RBM33: variants seen among roughly 807,000 people sequenced by gnomAD.
The protein encoded by RBM33 is RNA-binding protein 33.
A neutral mutation model predicts 132.6 loss-of-function variants in RBM33; 28 were observed. The observed-to-expected ratio is 0.21, with a 90% CI of 0.16 to 0.29. RBM33 has a LOEUF of 0.29. RBM33 is among the 10% of genes least tolerant of loss of function. RBM33 has a pLI of 1.00. For missense variants in RBM33, 1,291 were observed against 1,518.5 expected, an observed-to-expected ratio of 0.85 and a Z score of 2.49; for synonymous variants, 634 against 593.0, an observed-to-expected ratio of 1.07 and a Z score of -1.01.
chr7:155,763,838 C>T lies in RBM33; in HGVS notation c.3006C>T (p.His1002=). ...GAGGAGAGAGCGATGGCTTTTTTCA[C>T]CCAGAAGGCCAGCCCCAGCGGCTTC... ...GGGGESDGFF[H]PEGQPQRLPQ... Residue 1002 remains histidine (H), a synonymous_variant, in exon 15 of 18, where the codon CAC becomes CAT. Transcript: ENST00000401878. The T allele has an allele frequency of 6.2e-7, 1 of 1,611,736 alleles. No homozygotes were observed. Among genetic ancestry groups the T allele is most frequent in the Admixed American group, 1.7e-5 (1 of 59,698 alleles).
At position 155,685,232 on chromosome 7, in the gene RBM33, G is replaced by A. The variant is rs116505875; in HGVS notation, c.567+4324G>A. Among the ~76,000 whole-genome samples the A allele has an allele frequency of 8.6e-3, 1,315 of 152,284 alleles. 16 individuals carry two copies. The highest frequency in any genetic ancestry group is 0.031 in the African/African-American group (1,280 of 41,560). On this transcript the variant is annotated intron_variant, in intron 5 of 17. Coordinates refer to ENST00000401878, the MANE Select transcript of RBM33 (RefSeq NM_053043.3). ...TGAGTTCTGGTGTGCTGTGATTTCC[G>A]CATAGCGTGTGCCGTTTAAGTGTTA... is the stretch of plus-strand genomic sequence containing the variant.
At chr7:155,703,992 C>T (rs1344627576) in intron 6 of RBM33, among the ~76,000 whole-genome samples, 1 of 152,076 alleles carries the variant, frequency 6.6e-6, no homozygotes, top group Non-Finnish European at 1.5e-5. Flanking sequence ...GAGAACACTT[C>T]ATTCTTTAAG....
At chr7:155,660,555 C>A (rs542293004) in intron 1 of RBM33, among the ~76,000 whole-genome samples, 1 of 152,182 alleles carries the variant, frequency 6.6e-6, no homozygotes, top group Non-Finnish European at 1.5e-5. Flanking sequence ...TCTTTGAGCA[C>A]TTTGAATAGG....
intron 14 of RBM33, among the ~76,000 whole-genome samples, chr7:155,759,327 A>G (rs986635011): frequency 6.6e-6 from 1 of 152,068 alleles, no homozygotes; most frequent in African/African-American, 2.4e-5. Context: ...ATGTCACCAG[A>G]CATAAATTTT....
intron 3 of RBM33, among the ~76,000 whole-genome samples, chr7:155,673,320 A>T (rs1363849095): frequency 6.6e-6 from 1 of 152,090 alleles, no homozygotes; most frequent in South Asian, 2.1e-4. Context: ...AAACATTAAA[A>T]TAAATAAAAG....
At chr7:155,670,095 G>C (rs1798906073) in intron 2 of RBM33, among the ~76,000 whole-genome samples, 1 of 152,192 alleles carries the variant, frequency 6.6e-6, no homozygotes, top group South Asian at 2.1e-4. Flanking sequence ...ACAAATACTT[G>C]TTTCCTGAAA....
chr7:155,657,586 C>T (rs1798526980), intron 1 of RBM33, among the ~76,000 whole-genome samples: 1 of 152,172 alleles, frequency 6.6e-6, no homozygotes, highest in African/African-American at 2.4e-5. Flanking sequence ...TGGCACACTA[C>T]AGCTTCAAAT....
Position 155,742,064 on chromosome 7 carries a change from C to G in RBM33, c.2295C>G (p.Ser765Arg). ...GKTEVKVKPA[S>R]PVAQPKEEAK... ...CGGAAGTGAAAGTCAAGCCAGCTAG[C>G]CCTGTGGCTCAACCTAAAGAAGAGG... Residue 765 changes from serine to arginine, a missense_variant, in exon 13 of 18, where the codon AGC (serine) becomes AGG (arginine). Coordinates refer to ENST00000401878, the MANE Select transcript of RBM33 (RefSeq NM_053043.3). The G allele has an allele frequency of 6.2e-7, 1 of 1,613,942 alleles. No homozygotes were observed. The highest frequency in any genetic ancestry group is 8.5e-7 in the Non-Finnish European group (1 of 1,179,874).
At chr7:155,756,105 A>C (rs537320797) in intron 14 of RBM33, among the ~76,000 whole-genome samples, 2 of 152,224 alleles carry the variant, frequency 1.3e-5, no homozygotes, top group Non-Finnish European at 2.9e-5. Context: ...GGGAAAATTC[A>C]GTTTCAAAGC....
In RBM33 at chr7:155,673,479, T is replaced by C. The variant is rs1374148602; in HGVS notation, c.171+564T>C. 1.0e-3 allele frequency among the ~76,000 whole-genome samples: 113 copies of C among 111,840 alleles called. 1 individual carries two copies. Among genetic ancestry groups the C allele is most frequent in the Middle Eastern group, 5.3e-3 (1 of 190 alleles). The allele number at this position is 111,840 out of a possible 152,430, so 73.4% of individuals were successfully genotyped here. On this transcript the variant is annotated intron_variant, in intron 3 of 17. Transcript: ENST00000401878. ...ACCCACATATATATATACATACACG[T>C]GTGTATATATATACACACATATATA...
At position 155,644,822 on chromosome 7, in the gene RBM33, T is replaced by C; in HGVS notation, c.-55T>C. The C allele has an allele frequency of 1.4e-6, 2 of 1,416,282 alleles. No homozygotes were observed. The highest frequency in any genetic ancestry group is 2.5e-4 in the Middle Eastern group (1 of 4,028). 87.7% of individuals were successfully genotyped at this position (1,416,282 alleles called of 1,614,324 possible). ...CGTACCCGGGCCCGGACCAGGCACG[T>C]CGGCCCACCAGCTGGCTTGGTGGGG... On this transcript the variant is annotated 5_prime_UTR_variant, in exon 1 of 18. Transcript: ENST00000401878.
intron 16 of RBM33, among the ~76,000 whole-genome samples, chr7:155,767,417 G>T (rs530523504): frequency 6.6e-6 from 1 of 152,366 alleles, no homozygotes; most frequent in African/African-American, 2.4e-5. Context: ...GACATTTTTG[G>T]ATGCACAGAG....
Position 155,764,006 on chromosome 7 carries a change from C to G in RBM33, c.3174C>G (p.His1058Gln). The change falls in exon 15 of 18, where the codon CAC becomes CAG. Residue 1058 changes from histidine (H) to glutamine (Q), a missense_variant. Around this residue, in one of 7 missense-constraint regions of RBM33, gnomAD observed 841 missense variants for 912.0 expected, o/e 0.92. Transcript: ENST00000401878. Reference protein sequence around the residue: ...PPGIKSIQGIHPAKKAIMHGR... With the variant: ...PPGIKSIQGIQPAKKAIMHGR... ...GGATCAAAAGCATCCAAGGAATTCA[C>G]CCGGCGAAGAAGGTACTGCTTGTTG... The G allele has an allele frequency of 6.5e-7, 1 of 1,547,828 alleles. No individual in the cohort carries two copies. The highest frequency in any genetic ancestry group is 8.7e-7 in the Non-Finnish European group (1 of 1,146,440).
At chr7:155,764,214 C>G (rs1042028417) in intron 15 of RBM33, among the ~76,000 whole-genome samples, 196 bp downstream of exon 15, 1 of 152,194 alleles carries the variant, frequency 6.6e-6, no homozygotes, top group Non-Finnish European at 1.5e-5. Context: ...ACTTATTTCA[C>G]AGAGCAAACC....
intron 9 of RBM33, among the ~76,000 whole-genome samples, chr7:155,729,906 C>T (rs1001031862): frequency 2.6e-5 from 4 of 152,144 alleles, no homozygotes; most frequent in Admixed American, 6.5e-5. Context: ...CAGTTCACTG[C>T]CCGAGGTCTA....
intron 5 of RBM33, chr7:155,685,159 C>T (rs1799441061): frequency 1.7e-6 from 2 of 1,164,940 alleles, no homozygotes; most frequent in Non-Finnish European, 2.4e-6. Flanking sequence ...TATCTTTGAA[C>T]TGTGAGTGTA....
chr7:155,702,840 G>A (rs565256240), intron 6 of RBM33, among the ~76,000 whole-genome samples: 1 of 152,284 alleles, frequency 6.6e-6, no homozygotes, highest in South Asian at 2.1e-4. Flanking sequence ...TTTAAAACAT[G>A]ATGTATAAAA....
intron 14 of RBM33, among the ~76,000 whole-genome samples, chr7:155,756,410 A>G (rs1801852979): frequency 6.6e-6 from 1 of 152,218 alleles, no homozygotes; most frequent in African/African-American, 2.4e-5. Flanking sequence ...TTTGTTTCTC[A>G]GATGTAATCA....
chr7:155,700,288 A>C (rs1001203795), intron 5 of RBM33, among the ~76,000 whole-genome samples: 2 of 152,358 alleles, frequency 1.3e-5, no homozygotes, highest in East Asian at 1.9e-4. Flanking sequence ...CATCAGTAGA[A>C]CGGCACATTT....
Sources: allele counts gnomAD v4.1 joint callset (sites outside exome capture counted in the v4.1 genomes callset), GRCh38; gene constraint gnomAD v4.1.1; regional missense constraint gnomAD v4.1.1; transcripts MANE v1.5; gene names NCBI Gene and HGNC (gene_info 2026-07-23, HGNC 2026-07-21).